Variants in SCNN1G observed in about 807,000 individuals in gnomAD.
SCNN1G encodes epithelial sodium channel subunit gamma.
In SCNN1G, 27 loss-of-function variants were observed where a neutral mutation model predicts 64.6. The ratio of observed to expected loss-of-function variants is 0.42; its 90% confidence interval spans 0.31 to 0.58. The LOEUF (loss-of-function observed/expected upper bound fraction) is 0.58, where lower values mean the gene tolerates loss of function less well. Ranked by LOEUF, SCNN1G falls within the 20% of genes least tolerant of loss-of-function variation. SCNN1G has a pLI of 0.18. For missense variants in SCNN1G, 743 were observed against 823.4 expected, an observed-to-expected ratio of 0.90 and a Z score of 1.19; for synonymous variants, 330 against 314.2, an observed-to-expected ratio of 1.05 and a Z score of -0.53.
intron 11 of SCNN1G, 89 bp downstream of exon 11, chr16:23,213,252 C>CA: frequency 1.1e-5 from 6 of 533,846 alleles, no homozygotes; most frequent in Non-Finnish European, 2.0e-5. Flanking sequence ...GCCAAATCCT[C>CA]TTTTTTTTTT....
chr16:23,213,250 C>A, intron 11 of SCNN1G, 87 bp downstream of exon 11: 1 of 771,276 alleles, frequency 1.3e-6, no homozygotes, highest in Non-Finnish European at 2.1e-6. Context: ...TGGCCAAATC[C>A]TCTTTTTTTT....
intron 2 of SCNN1G, 23 bp downstream of exon 2, chr16:23,186,611 C>T (rs114324257): frequency 1.2e-6 from 2 of 1,601,422 alleles, no homozygotes; most frequent in African/African-American, 1.3e-5. Flanking sequence ...AGCAGGGAAA[C>T]GCGAGTAGGG....
rs1239955249 is a variant in SCNN1G, at chr16:23,186,330, C to T, written c.59C>T (p.Pro20Leu). 1 of 1,614,258 alleles carries T rather than the reference C, an allele frequency of 6.2e-7. No individual in the cohort carries two copies. ...AAGAAGAATCTGCCCGTGACGGGCC[C>T]TCAGGCGCCGACCATTAAAGAGCTG... ...KIKKNLPVTG[P>L]QAPTIKELMR... is the part of the protein sequence containing the mutation. Residue 20 changes from proline to leucine, a missense_variant, in exon 2 of 13, where the codon CCT (proline) becomes CTT (leucine). Pro to Leu is a moderately conservative substitution (Grantham distance 98). Coordinates refer to ENST00000300061, the MANE Select transcript of SCNN1G (RefSeq NM_001039.4).
Position 23,215,501 on chromosome 16 carries a change from C to T in SCNN1G, c.*32C>T, listed in dbSNP as rs1191876381. The T allele has an allele frequency of 6.2e-7, 1 of 1,601,442 alleles. No individual in the cohort carries two copies. The highest frequency in any genetic ancestry group is 2.2e-5 in the East Asian group (1 of 44,888). Reference sequence around the variant, plus strand: ...GTTGAGAAGACAGATCTAGTCAGGACCACCAGCCATGGTCTAAGGACATGG... The same window carrying T: ...GTTGAGAAGACAGATCTAGTCAGGATCACCAGCCATGGTCTAAGGACATGG... On this transcript the variant is annotated 3_prime_UTR_variant, in exon 13 of 13. Coordinates refer to ENST00000300061, the MANE Select transcript of SCNN1G (RefSeq NM_001039.4).
chr16:23,214,167 G>A lies in SCNN1G; in HGVS notation c.1494-545G>A, dbSNP rs1217677040. Among the ~76,000 whole-genome samples, 9 of 152,352 alleles carry A rather than the reference G, an allele frequency of 5.9e-5. No homozygotes were observed. In the East Asian group the frequency reaches 1.2e-3, roughly 20 times the overall value. The stretch of plus-strand genomic sequence containing the variant: ...TTATTGACAGCATAGTCTTGGACAA[G>A]TTCCTTAACCAATCTGCATCTCAGT... On this transcript the variant is annotated intron_variant, in intron 11 of 12. Transcript: ENST00000300061.
intron 2 of SCNN1G, among the ~76,000 whole-genome samples, chr16:23,187,106 C>CTTT (rs991130957): frequency 1.4e-4 from 17 of 117,920 alleles, no homozygotes; most frequent in South Asian, 2.9e-4. Context: ...CTGGCCTTTT[C>CTTT]TTTTTTTTTT....
chr16:23,192,247 C>T, intron 3 of SCNN1G, 105 bp from the exon 4 acceptor site: 1 of 930,874 alleles, frequency 1.1e-6, no homozygotes, highest in Non-Finnish European at 1.8e-6. Context: ...CCAACCTGTT[C>T]CCCTGAGTAT....
At chr16:23,189,316 G>A (rs759428350) in intron 2 of SCNN1G, 55 bp from the exon 3 acceptor site, 1 of 1,570,330 alleles carries the variant, frequency 6.4e-7, no homozygotes, top group Non-Finnish European at 8.7e-7. Flanking sequence ...AGGAGCACCA[G>A]AGTTCTGCCA....
At chr16:23,200,585 G>A (rs554851807) in intron 6 of SCNN1G, among the ~76,000 whole-genome samples, 1 of 152,300 alleles carries the variant, frequency 6.6e-6, no homozygotes, top group South Asian at 2.1e-4. Flanking sequence ...GCTAGACATG[G>A]GGCACCTCAG....
At chr16:23,188,281 T>C (rs138679647) in intron 2 of SCNN1G, among the ~76,000 whole-genome samples, 3 of 152,274 alleles carry the variant, frequency 2.0e-5, no homozygotes, top group East Asian at 3.9e-4. Context: ...AGCCAAGGCA[T>C]GAGGATTGCT....
In SCNN1G at chr16:23,189,666, C is replaced by G; in HGVS notation, c.613C>G (p.Gln205Glu). The G allele has an allele frequency of 6.2e-7, 1 of 1,613,984 alleles. No homozygotes were observed. ...CGAGTCCAAGCAAGTGGTGGGATTC[C>G]AACTGGTAAGATTTCACCTTCTCAT... is the stretch of plus-strand genomic sequence containing the variant. The part of the protein sequence containing the change: ...HIESKQVVGF[Q>E]LCSNDTSDCA... Residue 205 changes from glutamine to glutamate, a missense_variant, in exon 3 of 13, where the codon CAA (glutamine) becomes GAA (glutamate). Coordinates refer to ENST00000300061, the MANE Select transcript of SCNN1G (RefSeq NM_001039.4).
chr16:23,200,281 T>A (rs1748071401), intron 6 of SCNN1G, among the ~76,000 whole-genome samples: 1 of 152,110 alleles, frequency 6.6e-6, no homozygotes, highest in African/African-American at 2.4e-5. Context: ...TTTTTAATGT[T>A]TAAATTTAAA....
rs535142086 is a variant in SCNN1G at position 23,207,300 on chromosome 16, A to G, written c.1078-2450A>G. ...GAGTATTATGCTTTCCTACCCCAGGAAGCTAGAGCCTGTAGCTGACACTCT... is the reference window on the plus strand; with the variant it reads ...GAGTATTATGCTTTCCTACCCCAGGGAGCTAGAGCCTGTAGCTGACACTCT... On this transcript the variant is annotated intron_variant, in intron 6 of 12. Transcript: ENST00000300061. Among the ~76,000 whole-genome samples the G allele has an allele frequency of 4.6e-5, 7 of 152,320 alleles. No individual in the cohort carries two copies. The South Asian group carries it at 1.4e-3, about 32-fold the overall frequency.
chr16:23,186,794 G>A (rs923943920), intron 2 of SCNN1G, among the ~76,000 whole-genome samples: 3 of 152,114 alleles, frequency 2.0e-5, no homozygotes, highest in Admixed American at 2.0e-4. Context: ...CAGACCATCA[G>A]TGACTTGTTT....
intron 2 of SCNN1G, among the ~76,000 whole-genome samples, chr16:23,188,696 A>G (rs1959654514): frequency 6.6e-6 from 1 of 152,124 alleles, no homozygotes; most frequent in Admixed American, 6.6e-5. Context: ...GGGGAACCTA[A>G]ACTCAGGTAA....
At chr16:23,212,609 T>C (rs1960097877) in intron 8 of SCNN1G, 69 bp from the exon 9 acceptor site, 1 of 1,202,064 alleles carries the variant, frequency 8.3e-7, no homozygotes, top group Non-Finnish European at 1.2e-6. Context: ...CTGTCCTTGG[T>C]GACCTGGGGA....
At chr16:23,186,678 G>C in intron 2 of SCNN1G, 90 bp downstream of exon 2, 6 of 1,135,240 alleles carry the variant, frequency 5.3e-6, no homozygotes, top group Non-Finnish European at 7.9e-6. Flanking sequence ...CTGGCAGCCT[G>C]GAGGTCGATT....
At position 23,186,475 on chromosome 16, in the gene SCNN1G, C is replaced by T. The variant is rs1169716464; in HGVS notation, c.204C>T (p.Leu68=). 6.2e-7 allele frequency: 1 copy of T among 1,614,182 alleles called. No homozygotes were observed. Among genetic ancestry groups the T allele is most frequent in the Admixed American group, 1.7e-5 (1 of 60,036 alleles). The change falls in exon 2 of 13, where the codon CTC becomes CTT. Residue 68 remains leucine (L), a synonymous_variant. Coordinates refer to ENST00000300061, the MANE Select transcript of SCNN1G (RefSeq NM_001039.4). ...GFTLTAVALI[L]WQCALLVFSF... is the part of the protein sequence containing the mutation. ...CACTGACTGCCGTGGCCCTCATCCTCTGGCAGTGCGCCCTCCTCGTCTTCT... is the reference window on the plus strand; with the variant it reads ...CACTGACTGCCGTGGCCCTCATCCTTTGGCAGTGCGCCCTCCTCGTCTTCT...
intron 6 of SCNN1G, among the ~76,000 whole-genome samples, chr16:23,204,318 T>TATATATATATATATAC (rs1959948449): frequency 1.2e-5 from 1 of 82,676 alleles, no homozygotes; most frequent in Non-Finnish European, 2.4e-5. Flanking sequence ...TATATATATA[T>TATATATATATATATAC]ATATATATAT....
Sources: gnomAD v4.1 joint callset for allele counts (sites outside exome capture counted in the v4.1 genomes callset) on GRCh38, gnomAD v4.1.1 for gene constraint, MANE v1.5 for transcripts, NCBI Gene and HGNC (gene_info 2026-07-23, HGNC 2026-07-21) for gene names.